WWOX: variants seen among roughly 807,000 people sequenced by gnomAD.
WWOX encodes the protein WW domain-containing oxidoreductase.
In WWOX, 69 loss-of-function variants were observed where a neutral mutation model predicts 46.2. The ratio of observed to expected loss-of-function variants is 1.49; its 90% confidence interval spans 1.23 to 1.82. The LOEUF is 1.82. WWOX is among the 40% of genes most tolerant of loss of function. The pLI is 0.00. For missense variants in WWOX, 919 were observed against 542.6 expected, an observed-to-expected ratio of 1.69 and a Z score of -6.89; for synonymous variants, 359 against 202.6, an observed-to-expected ratio of 1.77 and a Z score of -6.56.
At chr16:78,936,234 C>T (rs1443405751) in intron 8 of WWOX, among the ~76,000 whole-genome samples, 1 of 152,058 alleles carries the variant, frequency 6.6e-6, no homozygotes, top group Admixed American at 6.5e-5. Context: ...TTGGTATTTG[C>T]TGTGTATGCC....
At chr16:78,591,442 C>G (rs910819923) in intron 8 of WWOX, among the ~76,000 whole-genome samples, 1 of 152,214 alleles carries the variant, frequency 6.6e-6, no homozygotes, top group Non-Finnish European at 1.5e-5. Context: ...TTCCCTCACA[C>G]TTTCCACTCT....
intron 8 of WWOX, among the ~76,000 whole-genome samples, chr16:78,788,391 G>C (rs932578098): frequency 3.3e-5 from 5 of 152,182 alleles, no homozygotes; most frequent in Non-Finnish European, 7.3e-5. Flanking sequence ...CCCAAGGCAG[G>C]ACTCTAATCT....
At chr16:78,790,037 A>T (rs1381320612) in intron 8 of WWOX, among the ~76,000 whole-genome samples, 3 of 152,242 alleles carry the variant, frequency 2.0e-5, no homozygotes, top group African/African-American at 7.2e-5. Flanking sequence ...AGGATTAAAT[A>T]TTATTCATGT....
intron 8 of WWOX, among the ~76,000 whole-genome samples, chr16:78,645,015 T>C (rs190150850): frequency 8.0e-4 from 122 of 152,324 alleles, no homozygotes; most frequent in African/African-American, 2.8e-3. Context: ...AAGGAAATCA[T>C]TAAATAGTGC....
At chr16:78,105,207 A>T (rs2032063625) in intron 1 of WWOX, among the ~76,000 whole-genome samples, 2 of 152,202 alleles carry the variant, frequency 1.3e-5, no homozygotes. Context: ...CACGCCTGTA[A>T]TCCCAGCACT....
intron 8 of WWOX, among the ~76,000 whole-genome samples, chr16:78,923,953 C>T (rs955974612): frequency 6.6e-6 from 1 of 151,900 alleles, no homozygotes; most frequent in Non-Finnish European, 1.5e-5. Context: ...GTGCCCGCCA[C>T]CACGCCTGGC....
chr16:78,888,277 A>G (rs934392704), intron 8 of WWOX, among the ~76,000 whole-genome samples: 2 of 152,144 alleles, frequency 1.3e-5, no homozygotes, highest in East Asian at 1.9e-4. Context: ...TTGAGAACCC[A>G]CTTTGGGCTA....
At chr16:79,042,990 C>A (rs969773051) in intron 8 of WWOX, among the ~76,000 whole-genome samples, 1 of 152,112 alleles carries the variant, frequency 6.6e-6, no homozygotes, top group African/African-American at 2.4e-5. Context: ...AAGATTCACT[C>A]TTGGTCTTGT....
At chr16:79,137,726 C>T (rs1338510534) in intron 8 of WWOX, among the ~76,000 whole-genome samples, 2 of 152,110 alleles carry the variant, frequency 1.3e-5, no homozygotes, top group Non-Finnish European at 2.9e-5. Context: ...CCCTTCCTGC[C>T]CCCACTCCTC....
intron 5 of WWOX, among the ~76,000 whole-genome samples, chr16:78,377,171 G>A (rs932909904): frequency 2.0e-5 from 3 of 152,318 alleles, no homozygotes; most frequent in African/African-American, 7.2e-5. Flanking sequence ...TGTTGAGAAT[G>A]TAATTATGCA....
chr16:78,675,041 T>C (rs2047558718), intron 8 of WWOX, among the ~76,000 whole-genome samples: 1 of 152,216 alleles, frequency 6.6e-6, no homozygotes, highest in Non-Finnish European at 1.5e-5. Context: ...GTACATTACA[T>C]GGTAAGTGCT....
intron 8 of WWOX, among the ~76,000 whole-genome samples, chr16:79,050,567 G>T (rs1314836135): frequency 6.6e-6 from 1 of 152,144 alleles, no homozygotes; most frequent in Non-Finnish European, 1.5e-5. Context: ...CAAAGCCCGG[G>T]GCATGGATCC....
chr16:79,207,575 A>C (rs756047751), intron 8 of WWOX, among the ~76,000 whole-genome samples: 1 of 152,196 alleles, frequency 6.6e-6, no homozygotes, highest in African/African-American at 2.4e-5. Flanking sequence ...CTCTCTCACA[A>C]TCATTGAATA....
chr16:78,821,886 C>T (rs1041380594), intron 8 of WWOX, among the ~76,000 whole-genome samples: 1 of 151,676 alleles, frequency 6.6e-6, no homozygotes, highest in African/African-American at 2.4e-5. Context: ...TTAAAATAAA[C>T]TTTTTTTTTA....
At chr16:78,978,376 C>T (rs966456827) in intron 8 of WWOX, among the ~76,000 whole-genome samples, 12 of 152,118 alleles carry the variant, frequency 7.9e-5, no homozygotes, top group Non-Finnish European at 1.0e-4. Context: ...TGCTGGGTCA[C>T]GCAGTAATTC....
chr16:78,758,476 CAG>C (rs935222691), intron 8 of WWOX, among the ~76,000 whole-genome samples: 19 of 152,330 alleles, frequency 1.2e-4, no homozygotes, highest in African/African-American at 4.3e-4. Context: ...TTTATTACCA[CAG>C]ATTGGAAGCA....
chr16:78,606,556 C>T (rs565657979), intron 8 of WWOX, among the ~76,000 whole-genome samples: 3 of 151,944 alleles, frequency 2.0e-5, no homozygotes, highest in Non-Finnish European at 4.4e-5. Context: ...TCCTGTTGAC[C>T]TGTCAGCTTA....
intron 8 of WWOX, among the ~76,000 whole-genome samples, chr16:78,848,537 C>T (rs187177516): frequency 1.1e-4 from 16 of 152,238 alleles, no homozygotes; most frequent in Admixed American, 5.9e-4. Flanking sequence ...ATGGAAAGTC[C>T]TTTATGTGGT....
At chr16:78,817,393 G>A (rs528141295) in intron 8 of WWOX, among the ~76,000 whole-genome samples, 12 of 152,036 alleles carry the variant, frequency 7.9e-5, no homozygotes, top group Non-Finnish European at 1.3e-4. Context: ...CCTGCCAGAA[G>A]CATTTGCCTC....
Sources: allele counts gnomAD v4.1 joint callset (sites outside exome capture counted in the v4.1 genomes callset), GRCh38; gene constraint gnomAD v4.1.1; transcripts MANE v1.5; gene names NCBI Gene and HGNC (gene_info 2026-07-23, HGNC 2026-07-21).